RALGAPA1: variants seen among roughly 807,000 people sequenced by gnomAD.
RALGAPA1 encodes the protein ral GTPase-activating protein subunit alpha-1.
In RALGAPA1, 52 loss-of-function variants were observed where a neutral mutation model predicts 269.6. That is an observed-to-expected ratio of 0.19 (90% confidence interval 0.15 to 0.24). The LOEUF (loss-of-function observed/expected upper bound fraction) is 0.24. Among genes scored for constraint, RALGAPA1 ranks in the 10% least tolerant of loss-of-function variants. The probability of loss-of-function intolerance (pLI) is 1.00; values close to 1 mark genes in which losing one functional copy is unlikely to be tolerated. For synonymous variants in RALGAPA1, 817 were observed against 1,008.3 expected, an observed-to-expected ratio of 0.81 and a Z score of 3.60; for missense variants, 1,917 against 3,013.9, an observed-to-expected ratio of 0.64 and a Z score of 8.52.
intron 1 of RALGAPA1, among the ~76,000 whole-genome samples, chr14:35,808,504 G>C (rs1384843817): frequency 6.6e-6 from 1 of 152,186 alleles, no homozygotes; most frequent in Non-Finnish European, 1.5e-5. Context: ...TAAAAAATAA[G>C]TTCAGACTAT....
intron 35 of RALGAPA1, among the ~76,000 whole-genome samples, chr14:35,619,472 A>G (rs952436292): frequency 3.3e-4 from 51 of 152,328 alleles, no homozygotes; most frequent in African/African-American, 1.2e-3. Flanking sequence ...TTCAAAAGCT[A>G]GCAGAAGGCA....
At chr14:35,723,929 T>G (rs1219178320) in intron 14 of RALGAPA1, 1 of 152,054 alleles carries the variant, frequency 6.6e-6, no homozygotes, top group East Asian at 1.9e-4. Flanking sequence ...AGTCATAAAA[T>G]AACGATTCTC....
chr14:35,759,911 C>CAAA (rs34611097), intron 6 of RALGAPA1, among the ~76,000 whole-genome samples: 2 of 93,438 alleles, frequency 2.1e-5, no homozygotes, highest in Non-Finnish European at 2.5e-5. Flanking sequence ...GATTCTATCT[C>CAAA]AAAAAAAAAA....
intron 21 of RALGAPA1, among the ~76,000 whole-genome samples, chr14:35,678,393 T>G (rs1595102796): frequency 6.6e-6 from 1 of 152,284 alleles, no homozygotes; most frequent in Non-Finnish European, 1.5e-5. Flanking sequence ...GGCCCAGCTA[T>G]AGAAACTCTA....
At chr14:35,728,638 A>C in intron 12 of RALGAPA1, 128 bp from the exon 13 acceptor site, 9 of 1,308,586 alleles carry the variant, frequency 6.9e-6, no homozygotes, top group African/African-American at 3.0e-5. Flanking sequence ...ACATAAACTC[A>C]TTAAACCTAC....
In RALGAPA1 at chr14:35,651,889, AAT is replaced by A. The variant is rs748709251; in HGVS notation, c.5608-18_5608-17del. On this transcript the variant is annotated splice_polypyrimidine_tract_variant and intron_variant, in intron 30 of 41. Transcript: ENST00000680220. ...CTATTAGGATCTGTAAGCAAAAAAA[AAT>A]TTTTTTAAAAGCTCTATATATGTCA... 3.8e-6 allele frequency: 6 copies of A among 1,592,186 alleles called. No individual in the cohort carries two copies. The highest frequency in any genetic ancestry group is 1.2e-5 in the South Asian group (1 of 86,096).
At chr14:35,610,988 TA>T (rs891942083) in intron 35 of RALGAPA1, among the ~76,000 whole-genome samples, 146 of 152,152 alleles carry the variant, frequency 9.6e-4, no homozygotes, top group Non-Finnish European at 1.6e-3. Flanking sequence ...AGATCTACAT[TA>T]AAAAAAAGTC....
At chr14:35,595,859 C>A in intron 36 of RALGAPA1, 70 bp from the exon 37 acceptor site, 1 of 1,313,976 alleles carries the variant, frequency 7.6e-7, no homozygotes, top group Non-Finnish European at 1.0e-6. Flanking sequence ...AAGACTCAAA[C>A]TTCTTGCTTA....
At chr14:35,676,347 G>A (rs2064947790) in intron 22 of RALGAPA1, 1 of 152,202 alleles carries the variant, frequency 6.6e-6, no homozygotes, top group Non-Finnish European at 1.5e-5. Flanking sequence ...GAGTAGCTGG[G>A]ATGACAGGCG....
intron 3 of RALGAPA1, among the ~76,000 whole-genome samples, chr14:35,771,949 C>G (rs989740359): frequency 6.6e-6 from 1 of 152,100 alleles, no homozygotes; most frequent in Admixed American, 6.5e-5. Flanking sequence ...TCTTGATAAT[C>G]CTAGAGAAAG....
At position 35,640,415 on chromosome 14, in the gene RALGAPA1, C is replaced by T. The variant is rs146306499; in HGVS notation, c.5677-4817G>A. On this transcript the variant is annotated intron_variant, in intron 31 of 41. Transcript: ENST00000680220. ...AAATGAAAGAGGAGACATTAAAAAC[C>T]GATACAGCAGAAATTAAAAGATCAA... is the stretch of plus-strand genomic sequence containing the variant. Among the ~76,000 whole-genome samples, 177 of 151,964 alleles carry T rather than the reference C, an allele frequency of 1.2e-3. 1 individual carries two copies. Among genetic ancestry groups the T allele is most frequent in the East Asian group, 8.1e-3 (42 of 5,188 alleles).
chr14:35,792,603 C>T (rs1186144899), intron 1 of RALGAPA1, among the ~76,000 whole-genome samples: 3 of 151,478 alleles, frequency 2.0e-5, no homozygotes, highest in Admixed American at 1.3e-4. Context: ...GCCAACGTGG[C>T]GAAACCCCAT....
chr14:35,641,941 T>C (rs984869467), intron 31 of RALGAPA1, among the ~76,000 whole-genome samples: 2 of 151,980 alleles, frequency 1.3e-5, no homozygotes, highest in African/African-American at 4.8e-5. Context: ...CAGAAACAAA[T>C]TGTACATCTA....
intron 4 of RALGAPA1, among the ~76,000 whole-genome samples, chr14:35,768,995 C>T (rs1375278689): frequency 3.7e-4 from 28 of 75,940 alleles, no homozygotes; most frequent in African/African-American, 1.5e-3. Context: ...GCAACAAGGG[C>T]GAAACTCCGT....
chr14:35,561,132 C>T (rs539358258), intron 39 of RALGAPA1, among the ~76,000 whole-genome samples: 70 of 141,642 alleles, frequency 4.9e-4, no homozygotes, highest in African/African-American at 1.8e-3. Context: ...GAGGCTGAGG[C>T]AGGAGAAACG....
At chr14:35,750,396 CG>C in intron 9 of RALGAPA1, 85 bp downstream of exon 9, 2 of 832,736 alleles carry the variant, frequency 2.4e-6, no homozygotes, top group Non-Finnish European at 3.8e-6. Context: ...TTTAAGTGTA[CG>C]CTCCACCTAA....
At chr14:35,766,160 C>A in intron 4 of RALGAPA1, 2 of 882,188 alleles carry the variant, frequency 2.3e-6, no homozygotes, top group Non-Finnish European at 1.9e-6. Context: ...TTGTTGGTTT[C>A]AAACCAAACT....
At chr14:35,565,958 A>C (rs1335139720) in intron 39 of RALGAPA1, among the ~76,000 whole-genome samples, 1 of 152,076 alleles carries the variant, frequency 6.6e-6, no homozygotes, top group Admixed American at 6.6e-5. Flanking sequence ...AAACAAAAAA[A>C]CCATGAACAC....
At chr14:35,638,641 G>A (rs1274837249) in intron 31 of RALGAPA1, among the ~76,000 whole-genome samples, 9 of 152,024 alleles carry the variant, frequency 5.9e-5, no homozygotes, top group Admixed American at 5.9e-4. Flanking sequence ...TAATACCACT[G>A]AGGCTGGGCA....
Sources: gnomAD v4.1 joint callset for allele counts (sites outside exome capture counted in the v4.1 genomes callset) on GRCh38, gnomAD v4.1.1 for gene constraint, MANE v1.5 for transcripts, NCBI Gene and HGNC (gene_info 2026-07-23, HGNC 2026-07-21) for gene names.